Variants in CNTN6 observed in about 807,000 individuals in gnomAD.
CNTN6 encodes the protein contactin 6, also known as contactin-6.
A neutral mutation model predicts 122.8 loss-of-function variants in CNTN6; 137 were observed. That is an observed-to-expected ratio of 1.12 (90% CI 0.97 to 1.29). The LOEUF (loss-of-function observed/expected upper bound fraction) is 1.29. Among genes scored for constraint, CNTN6 ranks in the 50% most tolerant of loss-of-function variants. The pLI is 0.00. For missense variants in CNTN6, 1,634 were observed against 1,223.4 expected (o/e 1.34, Z -5.01); for synonymous variants, 570 against 426.0 (o/e 1.34, Z -4.16).
intron 4 of CNTN6, among the ~76,000 whole-genome samples, chr3:1,255,273 G>C (rs1024484959): frequency 6.6e-6 from 1 of 152,066 alleles, no homozygotes; most frequent in Non-Finnish European, 1.5e-5. Flanking sequence ...TTGCAATAGG[G>C]TACAGGAAGG....
chr3:1,281,968 T>C (rs573977182), intron 5 of CNTN6, among the ~76,000 whole-genome samples: 2 of 135,442 alleles, frequency 1.5e-5, no homozygotes, highest in East Asian at 4.7e-4. Context: ...TATTTTAGTG[T>C]GATATATATA....
intron 2 of CNTN6, among the ~76,000 whole-genome samples, chr3:1,209,410 T>C (rs2094001639): frequency 6.6e-6 from 1 of 152,150 alleles, no homozygotes; most frequent in African/African-American, 2.4e-5. Context: ...CAGCTTCTCT[T>C]CTTCACATCT....
intron 12 of CNTN6, among the ~76,000 whole-genome samples, chr3:1,365,215 A>G (rs1575878828): frequency 2.6e-5 from 4 of 152,078 alleles, no homozygotes; most frequent in African/African-American, 9.7e-5. Context: ...ACACTAACCT[A>G]CTTCCACAAC....
chr3:1,388,952 G>GTGAT (rs1192870245), intron 20 of CNTN6, among the ~76,000 whole-genome samples: 12 of 141,896 alleles, frequency 8.5e-5, no homozygotes, highest in Non-Finnish European at 1.5e-4. Flanking sequence ...GTACCTGAAA[G>GTGAT]TGATGGGGAG....
chr3:1,290,797 C>T (rs932450547), intron 5 of CNTN6, among the ~76,000 whole-genome samples: 4 of 152,112 alleles, frequency 2.6e-5, no homozygotes, highest in African/African-American at 4.8e-5. Flanking sequence ...TATAAATTGT[C>T]GTGGCGCTAA....
At chr3:1,303,962 A>G (rs149405641) in intron 7 of CNTN6, among the ~76,000 whole-genome samples, 131 of 152,220 alleles carry the variant, frequency 8.6e-4, no homozygotes, top group East Asian at 5.4e-3. Flanking sequence ...TTCCAGGCCT[A>G]TTTGAGCTCT....
chr3:1,098,789 C>CACATATATATAT (rs1211008614), intron 1 of CNTN6, among the ~76,000 whole-genome samples: 100 of 63,210 alleles, frequency 1.6e-3, no homozygotes, highest in East Asian at 2.0e-3. Flanking sequence ...CACACACACA[C>CACATATATATAT]ATATATATAT....
chr3:1,253,684 G>A (rs1445761699), intron 4 of CNTN6, among the ~76,000 whole-genome samples: 1 of 151,998 alleles, frequency 6.6e-6, no homozygotes, highest in African/African-American at 2.4e-5. Flanking sequence ...CCTCGTATGC[G>A]CAGTTCACAA....
At chr3:1,391,039 C>T (rs1464933375) in intron 20 of CNTN6, among the ~76,000 whole-genome samples, 1 of 67,606 alleles carries the variant, frequency 1.5e-5, no homozygotes, top group South Asian at 6.6e-4. Context: ...AGGGAATCCT[C>T]CCTAACTCAT....
At chr3:1,222,852 C>T (rs1350658318) in intron 3 of CNTN6, among the ~76,000 whole-genome samples, 1 of 152,094 alleles carries the variant, frequency 6.6e-6, no homozygotes, top group Non-Finnish European at 1.5e-5. Context: ...CCTCTCTCTC[C>T]TCCCATCCTC....
At chr3:1,357,286 C>T (rs1246531328) in intron 12 of CNTN6, among the ~76,000 whole-genome samples, 4 of 151,812 alleles carry the variant, frequency 2.6e-5, no homozygotes, top group Non-Finnish European at 5.9e-5. Flanking sequence ...GAGTATAGAA[C>T]TCTTACTAAA....
chr3:1,366,973 G>A (rs1708323064), intron 12 of CNTN6, among the ~76,000 whole-genome samples: 1 of 152,024 alleles, frequency 6.6e-6, no homozygotes, highest in Non-Finnish European at 1.5e-5. Context: ...TCACTCCTCT[G>A]CTTCATACTT....
intron 4 of CNTN6, among the ~76,000 whole-genome samples, chr3:1,262,225 G>T (rs1272971191): frequency 6.6e-6 from 1 of 152,110 alleles, no homozygotes; most frequent in Non-Finnish European, 1.5e-5. Flanking sequence ...TAGGCTCAGG[G>T]GCAGAGAAGC....
At chr3:1,098,237 A>C (rs901399413) in intron 1 of CNTN6, among the ~76,000 whole-genome samples, 1 of 145,758 alleles carries the variant, frequency 6.9e-6, no homozygotes, top group Admixed American at 6.7e-5. Flanking sequence ...AAGTATAATA[A>C]TACTAATAAT....
At chr3:1,384,292 T>A (rs1474648186) in intron 19 of CNTN6, among the ~76,000 whole-genome samples, 2 of 152,104 alleles carry the variant, frequency 1.3e-5, no homozygotes, top group African/African-American at 4.8e-5. Context: ...GCAGTCATTT[T>A]TTTTTCCCTT....
chr3:1,242,292 A>C (rs186763481), intron 4 of CNTN6, among the ~76,000 whole-genome samples: 1 of 152,248 alleles, frequency 6.6e-6, no homozygotes, highest in East Asian at 1.9e-4. Flanking sequence ...AGCATCTTTA[A>C]GATGGAGAAC....
chr3:1,242,704 A>G (rs1666592140), intron 4 of CNTN6, among the ~76,000 whole-genome samples: 1 of 152,030 alleles, frequency 6.6e-6, no homozygotes, highest in Admixed American at 6.6e-5. Flanking sequence ...GGTTGGGGAG[A>G]AGGGCGGCAA....
At chr3:1,109,550 T>G (rs556527323) in intron 1 of CNTN6, among the ~76,000 whole-genome samples, 1 of 152,046 alleles carries the variant, frequency 6.6e-6, no homozygotes, top group Non-Finnish European at 1.5e-5. Flanking sequence ...GCTCCTCTAT[T>G]ACTTTGGACT....
chr3:1,227,721 T>A, intron 3 of CNTN6, 97 bp from the exon 4 acceptor site: 2 of 1,304,038 alleles, frequency 1.5e-6, no homozygotes, highest in Non-Finnish European at 1.1e-6. Flanking sequence ...TTTTTTGGTG[T>A]TTTTTATAGT....
Sources: gnomAD v4.1 joint callset for allele counts (sites outside exome capture counted in the v4.1 genomes callset) on GRCh38, gnomAD v4.1.1 for gene constraint, MANE v1.5 for transcripts, NCBI Gene and HGNC (gene_info 2026-07-23, HGNC 2026-07-21) for gene names.